MYH16: variants seen among roughly 807,000 people sequenced by gnomAD.
MYH16 encodes myosin heavy chain 16.
chr7:99,254,826 G>C (rs1262499155), intron 8 of MYH16, among the ~76,000 whole-genome samples: 1 of 152,162 alleles, frequency 6.6e-6, no homozygotes, highest in Non-Finnish European at 1.5e-5. Context: ...TTGAAATTGG[G>C]AGACTTCACA....
intron 11 of MYH16, among the ~76,000 whole-genome samples, chr7:99,259,716 A>ATATG (rs573212831): frequency 1.4e-5 from 2 of 146,818 alleles, no homozygotes; most frequent in African/African-American, 5.1e-5. Context: ...ATATATATAT[A>ATATG]TGTGTGTGTG....
chr7:99,273,363 G>A (rs750294945), exon 20 of MYH16: 1 of 456,746 alleles, frequency 2.2e-6, no homozygotes. Context: ...AAGTCATTCA[G>A]CAGAACGTGC....
intron 21 of MYH16, among the ~76,000 whole-genome samples, 200 bp downstream of exon 3, chr7:99,277,912 TGTGTGA>T (rs1332734227): frequency 3.5e-4 from 46 of 131,756 alleles, no homozygotes; most frequent in Non-Finnish European, 5.3e-4. Flanking sequence ...TGTGTGTGTG[TGTGTGA>T]GAGAGAGAGA....
At chr7:99,278,019 C>G (rs1792142777) in intron 21 of MYH16, among the ~76,000 whole-genome samples, 1 of 151,904 alleles carries the variant, frequency 6.6e-6, no homozygotes, top group African/African-American at 2.4e-5. Context: ...AGTGAAGTGG[C>G]TCGATCACAG....
intron 37 of MYH16, among the ~76,000 whole-genome samples, chr7:99,300,628 G>A (rs1001864156): frequency 6.6e-6 from 1 of 152,050 alleles, no homozygotes; most frequent in Admixed American, 6.6e-5. Flanking sequence ...GCATCATAGC[G>A]AGACCCCATC....
chr7:99,278,079 C>T (rs554501150), intron 21 of MYH16, among the ~76,000 whole-genome samples: 2 of 152,188 alleles, frequency 1.3e-5, no homozygotes, highest in African/African-American at 4.8e-5. Flanking sequence ...CCACCTCAGC[C>T]TCCCGAGTAG....
intron 1 of MYH16, among the ~76,000 whole-genome samples, chr7:99,242,405 A>G (rs1480990720): frequency 6.6e-6 from 1 of 151,848 alleles, no homozygotes; most frequent in East Asian, 1.9e-4. Flanking sequence ...GGGGGCCAAG[A>G]TGGGAGGATC....
At chr7:99,250,788 G>A (rs1791800918) in intron 5 of MYH16, among the ~76,000 whole-genome samples, 1 of 151,942 alleles carries the variant, frequency 6.6e-6, no homozygotes, top group Admixed American at 6.6e-5. Flanking sequence ...ACTGCTCAGG[G>A]GGCTCTCTGC....
At chr7:99,270,176 T>C (rs1256905418) in intron 18 of MYH16, among the ~76,000 whole-genome samples, 2 of 151,934 alleles carry the variant, frequency 1.3e-5, no homozygotes, top group East Asian at 3.9e-4. Context: ...GGGGGGATTT[T>C]TAAAACATCA....
chr7:99,303,462 C>G (rs1344026868), intron 39 of MYH16, among the ~76,000 whole-genome samples: 1 of 152,268 alleles, frequency 6.6e-6, no homozygotes. Context: ...AAGAAGCCAT[C>G]AAAGTGGGTT....
intron 23 of MYH16, among the ~76,000 whole-genome samples, 186 bp downstream of exon 5, chr7:99,281,166 CT>C (rs539300653): frequency 5.9e-4 from 90 of 152,320 alleles, no homozygotes; most frequent in African/African-American, 2.1e-3. Context: ...GTGGCCCCCC[CT>C]TGCTGCCTTC....
chr7:99,309,557 A>T (rs1234814857), downstream of MYH16, among the ~76,000 whole-genome samples: 1 of 152,222 alleles, frequency 6.6e-6, no homozygotes, highest in Non-Finnish European at 1.5e-5. Context: ...TTTACCTTTC[A>T]GGCAAAAACC....
intron 21 of MYH16, among the ~76,000 whole-genome samples, chr7:99,278,125 TAG>T (rs1792145000): frequency 6.6e-6 from 1 of 151,978 alleles, no homozygotes; most frequent in South Asian, 2.1e-4. Flanking sequence ...TAATTTTTTG[TAG>T]AGACAGGGTC....
chr7:99,298,917 C>T (rs1189541529), intron 36 of MYH16, among the ~76,000 whole-genome samples: 1 of 151,938 alleles, frequency 6.6e-6, no homozygotes, highest in Non-Finnish European at 1.5e-5. Flanking sequence ...TAAAAGTATC[C>T]GTTGAAGCAT....
chr7:99,251,501 C>A (rs943829459), intron 6 of MYH16, among the ~76,000 whole-genome samples: 2 of 152,156 alleles, frequency 1.3e-5, no homozygotes, highest in Admixed American at 1.3e-4. Flanking sequence ...ATCAAAAGAT[C>A]AATTATGAAG....
chr7:99,252,628 C>G (rs1791823633), intron 6 of MYH16: 1 of 152,258 alleles, frequency 6.6e-6, no homozygotes, highest in African/African-American at 2.4e-5. Context: ...ACCACAGACC[C>G]TAGATTTAGC....
At chr7:99,286,031 C>T (rs890881727) in intron 27 of MYH16, among the ~76,000 whole-genome samples, 52 of 152,202 alleles carry the variant, frequency 3.4e-4, no homozygotes, top group Admixed American at 3.4e-3. Context: ...GCACAAGGCC[C>T]CCCAGGCATA....
At chr7:99,267,317 C>A (rs1425983233) in intron 18 of MYH16, among the ~76,000 whole-genome samples, 1 of 152,204 alleles carries the variant, frequency 6.6e-6, no homozygotes, top group Non-Finnish European at 1.5e-5. Context: ...CAACCTGGAA[C>A]TCCCAGGCTC....
chr7:99,242,783 A>G (rs553520114), intron 1 of MYH16, among the ~76,000 whole-genome samples: 2 of 152,278 alleles, frequency 1.3e-5, no homozygotes, highest in South Asian at 4.1e-4. Flanking sequence ...TACTGCACTT[A>G]GTCTTTAAAA....
Sources: gnomAD v4.1 joint callset for allele counts (sites outside exome capture counted in the v4.1 genomes callset) on GRCh38, gnomAD v4.1.1 for gene constraint, MANE v1.5 for transcripts, NCBI Gene and HGNC (gene_info 2026-07-23, HGNC 2026-07-21) for gene names.